Variants in CCDC102B observed in about 807,000 individuals in gnomAD.
CCDC102B encodes the protein coiled-coil domain-containing protein 102B.
Under a neutral mutation model 57.4 loss-of-function variants are expected in CCDC102B, and 75 were observed. The observed-to-expected ratio is 1.31, with a 90% CI of 1.08 to 1.58. The LOEUF is 1.58. CCDC102B is among the 40% of genes most tolerant of loss of function. CCDC102B has a pLI of 0.00. For missense variants in CCDC102B, 636 were observed against 582.6 expected, an observed-to-expected ratio of 1.09 and a Z score of -0.94; for synonymous variants, 206 against 201.9, an observed-to-expected ratio of 1.02 and a Z score of -0.17.
chr18:68,920,296 C>T (rs748647163), intron 6 of CCDC102B, among the ~76,000 whole-genome samples: 14 of 152,140 alleles, frequency 9.2e-5, no homozygotes, highest in Admixed American at 2.0e-4. Context: ...GTAACCAAAA[C>T]AGCATAGTAC....
rs181026967 is a variant in CCDC102B, at chr18:68,886,777, T to A, written c.1054-10442T>A. 1.9e-4 allele frequency among the ~76,000 whole-genome samples: 29 copies of A among 152,210 alleles called. 1 individual carries two copies. In the East Asian group the frequency reaches 5.4e-3, roughly 28 times the overall value. Reference sequence around the variant, plus strand: ...TGTTGTTTATTCCATGCATCTAGTTTGACATTCACTCATTTCAATGTACCC... The same window carrying A: ...TGTTGTTTATTCCATGCATCTAGTTAGACATTCACTCATTTCAATGTACCC... On this transcript the variant is annotated intron_variant, in intron 5 of 7. Coordinates refer to ENST00000360242, the MANE Select transcript of CCDC102B (RefSeq NM_024781.3).
intron 2 of CCDC102B, among the ~76,000 whole-genome samples, chr18:68,768,948 G>A (rs2034550139): frequency 6.6e-6 from 1 of 152,142 alleles, no homozygotes; most frequent in East Asian, 1.9e-4. Flanking sequence ...AGCAAGGAAG[G>A]TGAAATGTAA....
intron 6 of CCDC102B, among the ~76,000 whole-genome samples, chr18:68,947,643 G>C (rs1053524896): frequency 1.3e-5 from 2 of 152,050 alleles, no homozygotes; most frequent in African/African-American, 4.8e-5. Flanking sequence ...GCAAATTCCA[G>C]TGTTCAGGTT....
At chr18:69,007,571 G>C (rs1041352389) in intron 6 of CCDC102B, among the ~76,000 whole-genome samples, 1 of 152,180 alleles carries the variant, frequency 6.6e-6, no homozygotes, top group Non-Finnish European at 1.5e-5. Flanking sequence ...ACTTTATGGT[G>C]AATCAGAAAC....
chr18:68,749,512 T>C (rs954268504), intron 2 of CCDC102B, among the ~76,000 whole-genome samples: 11 of 152,090 alleles, frequency 7.2e-5, no homozygotes, highest in African/African-American at 1.7e-4. Flanking sequence ...AGTTGGATTC[T>C]TAGGTATTTT....
chr18:68,922,863 G>A (rs2041333831), intron 6 of CCDC102B, among the ~76,000 whole-genome samples: 3 of 152,070 alleles, frequency 2.0e-5, no homozygotes, highest in African/African-American at 7.2e-5. Flanking sequence ...TACTTGCTAT[G>A]TGGGTTTACC....
chr18:68,799,948 C>G (rs2035786025), intron 1 of CCDC102B, among the ~76,000 whole-genome samples: 1 of 152,034 alleles, frequency 6.6e-6, no homozygotes, highest in Non-Finnish European at 1.5e-5. Context: ...GGGACAATTG[C>G]AAGTTTCTGA....
At chr18:69,057,760 A>G (rs1037935652), downstream of CCDC102B, among the ~76,000 whole-genome samples, 2 of 152,032 alleles carry the variant, frequency 1.3e-5, no homozygotes, top group African/African-American at 2.4e-5. Context: ...GTCCTGGTTC[A>G]AAGAAGACCT....
rs144468255 is a variant in CCDC102B, at chr18:68,838,875, C to A, written c.776C>A (p.Ala259Asp). The A allele has an allele frequency of 1.1e-5, 18 of 1,613,788 alleles. No homozygotes were observed. The highest frequency in any genetic ancestry group is 1.5e-5 in the Non-Finnish European group (18 of 1,179,946). ...PLENEVTEIS[A>D]LQVHLDEFQK... ...GAAAATGAAGTAACTGAAATTTCAG[C>A]TTTGCAGGTGCATTTGGATGAATTC... The change falls in exon 3 of 8, where the codon GCT becomes GAT. Residue 259 changes from alanine (A) to aspartate (D), a missense_variant. Transcript: ENST00000360242.
intron 6 of CCDC102B, among the ~76,000 whole-genome samples, chr18:68,934,756 G>C (rs920832556): frequency 1.3e-5 from 2 of 151,552 alleles, no homozygotes; most frequent in Admixed American, 6.6e-5. Context: ...ATATTCAAAC[G>C]TAGTTATGAT....
At chr18:69,007,514 G>C (rs935370326) in intron 6 of CCDC102B, among the ~76,000 whole-genome samples, 1 of 152,166 alleles carries the variant, frequency 6.6e-6, no homozygotes, top group Non-Finnish European at 1.5e-5. Flanking sequence ...TATAGTCACT[G>C]ACAAGAGGAA....
In CCDC102B at chr18:68,897,235, C is replaced by A. The variant is rs750794864; in HGVS notation, c.1070C>A (p.Ala357Asp). ...ELRAELERLQ[A>D]ENTSEWDKRE... ...TGTGTGTAGCTAGAGAGATTGCAAGCTGAAAATACCTCGGAGTGGGACAAG... is the reference window on the plus strand; with the variant it reads ...TGTGTGTAGCTAGAGAGATTGCAAGATGAAAATACCTCGGAGTGGGACAAG... The change falls in exon 6 of 8, where the codon GCT (alanine) becomes GAT (aspartate). Residue 357 changes from alanine to aspartate, a missense_variant. Transcript: ENST00000360242. 6 of 1,611,882 alleles carry A rather than the reference C, an allele frequency of 3.7e-6. No individual in the cohort carries two copies. The highest frequency in any genetic ancestry group is 5.1e-6 in the Non-Finnish European group (6 of 1,178,868).
intron 6 of CCDC102B, among the ~76,000 whole-genome samples, chr18:68,957,204 GC>G (rs2049923384): frequency 6.6e-6 from 1 of 151,928 alleles, no homozygotes; most frequent in Admixed American, 6.6e-5. Context: ...TTTTGCCAAG[GC>G]CAATGTACTG....
At chr18:68,780,148 T>C (rs552154192) in intron 2 of CCDC102B, among the ~76,000 whole-genome samples, 4 of 152,260 alleles carry the variant, frequency 2.6e-5, no homozygotes, top group African/African-American at 7.2e-5. Flanking sequence ...CTTTTACTTA[T>C]CATAATGTCT....
chr18:69,028,492 C>G (rs553028658), intron 7 of CCDC102B, among the ~76,000 whole-genome samples: 1 of 152,224 alleles, frequency 6.6e-6, no homozygotes, highest in African/African-American at 2.4e-5. Flanking sequence ...GTAGGAAGGA[C>G]AGTGGTATGT....
chr18:68,782,129 T>C (rs1473799193), intron 2 of CCDC102B, among the ~76,000 whole-genome samples: 2 of 152,160 alleles, frequency 1.3e-5, no homozygotes. Context: ...CATTGAATTT[T>C]CTTAGAAAGA....
intron 1 of CCDC102B, among the ~76,000 whole-genome samples, chr18:68,832,586 G>T (rs2037192411): frequency 6.6e-6 from 1 of 152,070 alleles, no homozygotes; most frequent in Non-Finnish European, 1.5e-5. Flanking sequence ...AGGTGGAAAA[G>T]AGGGATGAGG....
At chr18:68,736,210 G>A (rs2033122200) in intron 2 of CCDC102B, among the ~76,000 whole-genome samples, 1 of 152,088 alleles carries the variant, frequency 6.6e-6, no homozygotes, top group Admixed American at 6.5e-5. Flanking sequence ...CACTAATCAA[G>A]AGTATAAAAC....
At chr18:68,856,447 C>A (rs2038390689) in intron 4 of CCDC102B, among the ~76,000 whole-genome samples, 1 of 152,136 alleles carries the variant, frequency 6.6e-6, no homozygotes, top group South Asian at 2.1e-4. Context: ...TGTACCACCA[C>A]AACTGGCTAA....
Sources: gnomAD v4.1 joint callset for allele counts (sites outside exome capture counted in the v4.1 genomes callset) on GRCh38, gnomAD v4.1.1 for gene constraint, MANE v1.5 for transcripts, NCBI Gene and HGNC (gene_info 2026-07-23, HGNC 2026-07-21) for gene names.